PPARA: variants seen among roughly 807,000 people sequenced by gnomAD.
The protein encoded by PPARA is peroxisome proliferator activated receptor alpha, also known as peroxisome proliferator-activated receptor alpha.
In PPARA, 22 loss-of-function variants were observed where a neutral mutation model predicts 42.2. That is an observed-to-expected ratio of 0.52 (90% CI 0.37 to 0.74). The LOEUF (loss-of-function observed/expected upper bound fraction) is 0.74, where lower values mean the gene tolerates loss of function less well. PPARA is among the 30% of genes least tolerant of loss of function. The pLI is 0.00. For missense variants in PPARA, 465 were observed against 608.2 expected (o/e 0.76, Z 2.48); for synonymous variants, 242 against 239.3 (o/e 1.01, Z -0.10).
Position 46,242,640 on chromosome 22 carries a change from CAT to C in PPARA, c.*7263_*7264del, listed in dbSNP as rs1404180747. 1 of 152,436 alleles carries C rather than the reference CAT, an allele frequency of 6.6e-6. No homozygotes were observed. The highest frequency in any genetic ancestry group is 2.4e-5 in the African/African-American group (1 of 41,390). 9.4% of individuals were successfully genotyped at this position (152,436 alleles called of 1,614,324 possible). A position where few individuals can be genotyped will look rare whatever the true frequency, so the allele number is the denominator to read the frequency against. Reference sequence around the variant, plus strand: ...CTTTTGAAATCAGTGTTAATTGACTCATATTCTTAAAAGCCTGGCTCTTGACC... The same window carrying C: ...CTTTTGAAATCAGTGTTAATTGACTCATTCTTAAAAGCCTGGCTCTTGACC... On this transcript the variant is annotated 3_prime_UTR_variant, in exon 9 of 9. Coordinates refer to ENST00000407236, the MANE Select transcript of PPARA (RefSeq NM_005036.6). This position sits in a 1 kb window ranked among gnomAD's most constrained non-coding sequence, Gnocchi z 6.1.
chr22:46,177,232 T>A (rs1316776940), intron 3 of PPARA, among the ~76,000 whole-genome samples: 4 of 150,946 alleles, frequency 2.6e-5, no homozygotes, highest in Admixed American at 2.6e-4. Context: ...TAAAATAAAA[T>A]AAAAATAATC....
chr22:46,210,309 CAAAA>C (rs1189985964), intron 4 of PPARA, among the ~76,000 whole-genome samples: 3 of 85,986 alleles, frequency 3.5e-5, no homozygotes, highest in African/African-American at 3.4e-5. Flanking sequence ...AACTCCATCT[CAAAA>C]AAAAAAAAAA....
At position 46,232,447 on chromosome 22, in the gene PPARA, A is replaced by G. The variant is rs1935941662; in HGVS notation, c.1159+208A>G. On this transcript the variant is annotated intron_variant, in intron 8 of 8. Coordinates refer to ENST00000407236, the MANE Select transcript of PPARA (RefSeq NM_005036.6). The surrounding 1 kb of genome is among the most constrained non-coding windows in gnomAD (Gnocchi z 5.3). ...TAATATTATAGTATATATTGTTATTATCTATAAATACATATTTAATATTAT... is the reference window on the plus strand; with the variant it reads ...TAATATTATAGTATATATTGTTATTGTCTATAAATACATATTTAATATTAT... 6.6e-6 allele frequency among the ~76,000 whole-genome samples: 1 copy of G among 151,880 alleles called. No individual in the cohort carries two copies. Among genetic ancestry groups the G allele is most frequent in the African/African-American group, 2.4e-5 (1 of 41,374 alleles).
chr22:46,227,122 T>A lies in PPARA; in HGVS notation c.712-4670T>A, dbSNP rs373032200. Among the ~76,000 whole-genome samples, 18 of 134,788 alleles carry A rather than the reference T, an allele frequency of 1.3e-4. 1 individual carries two copies. In the South Asian group the frequency reaches 2.4e-3, roughly 18 times the overall value. 88.4% of individuals were successfully genotyped at this position (134,788 alleles called of 152,430 possible). ...CCAATATTATACCTACTACTTAAGT[T>A]TTCTTTAGATTAAAAAATGTGCTTC... On this transcript the variant is annotated intron_variant, in intron 7 of 8. Coordinates refer to ENST00000407236, the MANE Select transcript of PPARA (RefSeq NM_005036.6). This position sits in a 1 kb window ranked among gnomAD's most constrained non-coding sequence, Gnocchi z 4.3.
rs1015826588 is a variant in PPARA at position 46,182,955 on chromosome 22, G to A, written c.-43+6119G>A. Among the ~76,000 whole-genome samples the A allele has an allele frequency of 1.4e-4, 21 of 152,146 alleles. No individual in the cohort carries two copies. The highest frequency in any genetic ancestry group is 1.4e-3 in the Admixed American group (21 of 15,272). On this transcript the variant is annotated intron_variant, in intron 3 of 8. Coordinates refer to ENST00000407236, the MANE Select transcript of PPARA (RefSeq NM_005036.6). This position sits in a 1 kb window ranked among gnomAD's most constrained non-coding sequence, Gnocchi z 5.2. ...AGACAGGGTTTCGCCATGATTGCCA[G>A]GCTGGTCTTGAACTCCTGACCTCAG...
At chr22:46,228,489 T>A (rs1012827892) in intron 7 of PPARA, among the ~76,000 whole-genome samples, 8 of 152,164 alleles carry the variant, frequency 5.3e-5, no homozygotes, top group Non-Finnish European at 1.0e-4. Context: ...TGAGTCGAGA[T>A]CACGCCACTG....
chr22:46,202,298 T>C (rs1348763730), intron 4 of PPARA, among the ~76,000 whole-genome samples: 5 of 152,230 alleles, frequency 3.3e-5, no homozygotes, highest in Admixed American at 2.0e-4. Flanking sequence ...AGAACTATAA[T>C]CTAAAATGTA....
rs770643254 is a variant in PPARA, at chr22:46,221,327, T to G, written c.711+1313T>G. On this transcript the variant is annotated intron_variant, in intron 7 of 8. Transcript: ENST00000407236. The surrounding 1 kb of genome is among the most constrained non-coding windows in gnomAD (Gnocchi z 5.9). The stretch of plus-strand genomic sequence containing the variant: ...TGGGGATTACAGTTCACCATGAGAT[T>G]TGGGTGGGGACACAGAGCCAAACCA... 2.0e-5 allele frequency among the ~76,000 whole-genome samples: 3 copies of G among 152,110 alleles called. No individual in the cohort carries two copies. The highest frequency in any genetic ancestry group is 2.9e-5 in the Non-Finnish European group (2 of 68,014).
At chr22:46,174,132 T>C (rs551441347) in intron 2 of PPARA, among the ~76,000 whole-genome samples, 63 of 149,906 alleles carry the variant, frequency 4.2e-4, no homozygotes, top group African/African-American at 1.5e-3. Context: ...GAGCCGAGAT[T>C]GCACCACTGC....
rs183755930 is a variant in PPARA, at chr22:46,207,179, C to T, written c.209-7994C>T. Among the ~76,000 whole-genome samples the T allele has an allele frequency of 3.4e-3, 516 of 150,930 alleles. 4 individuals carry two copies. The highest frequency in any genetic ancestry group is 0.011 in the African/African-American group (469 of 41,090). On this transcript the variant is annotated intron_variant, in intron 4 of 8. Transcript: ENST00000407236. ...CAGAGGTTGCAGTGAGCCAAGATCA[C>T]GCCACTGCACACCAGCCTGGGTGAC...
At chr22:46,158,144 C>T (rs1294853775) in intron 2 of PPARA, among the ~76,000 whole-genome samples, 1 of 152,094 alleles carries the variant, frequency 6.6e-6, no homozygotes, top group Non-Finnish European at 1.5e-5. Context: ...CGTGGAGGCT[C>T]ACACCTGTAA....
chr22:46,218,500 A>AT, intron 6 of PPARA, 99 bp downstream of exon 6: 1 of 1,559,596 alleles, frequency 6.4e-7, no homozygotes, highest in Non-Finnish European at 8.8e-7. Flanking sequence ...GTGCTTCAAC[A>AT]TTTCACACCC....
At position 46,203,092 on chromosome 22, in the gene PPARA, A is replaced by T. The variant is rs1932927715; in HGVS notation, c.208+4501A>T. 6.6e-6 allele frequency among the ~76,000 whole-genome samples: 1 copy of T among 151,996 alleles called. No homozygotes were observed. Among genetic ancestry groups the T allele is most frequent in the African/African-American group, 2.4e-5 (1 of 41,418 alleles). ...CTTATTTCCCCCTCAGCATTTCCTC[A>T]CTGTTATTCATACATGTGGTCATTT... On this transcript the variant is annotated intron_variant, in intron 4 of 8. Transcript: ENST00000407236. This position sits in a 1 kb window ranked among gnomAD's most constrained non-coding sequence, Gnocchi z 5.8.
At chr22:46,154,355 C>T (rs1340232353) in intron 2 of PPARA, among the ~76,000 whole-genome samples, 1 of 152,172 alleles carries the variant, frequency 6.6e-6, no homozygotes, top group South Asian at 2.1e-4. Context: ...CAGTGGCTCA[C>T]GCCTATGGTT....
In PPARA at chr22:46,204,949, C is replaced by A. The variant is rs886418950; in HGVS notation, c.208+6358C>A. Among the ~76,000 whole-genome samples, 2 of 152,020 alleles carry A rather than the reference C, an allele frequency of 1.3e-5. No individual in the cohort carries two copies. The highest frequency in any genetic ancestry group is 4.8e-5 in the African/African-American group (2 of 41,408). On this transcript the variant is annotated intron_variant, in intron 4 of 8. Transcript: ENST00000407236. This position sits in a 1 kb window ranked among gnomAD's most constrained non-coding sequence, Gnocchi z 5.2. ...GTGGTGCGATCATGGCTTACTGCAG[C>A]CTTGACCTCTTGGGCTCAGGAAACC...
intron 4 of PPARA, among the ~76,000 whole-genome samples, chr22:46,207,687 T>TTA (rs1187653073): frequency 8.3e-6 from 1 of 120,118 alleles, no homozygotes; most frequent in Non-Finnish European, 1.7e-5. Flanking sequence ...ATTTTTTTTT[T>TTA]TTTTTTTTTT....
intron 2 of PPARA, among the ~76,000 whole-genome samples, chr22:46,157,641 G>T (rs1925521047): frequency 6.6e-6 from 1 of 152,188 alleles, no homozygotes; most frequent in Non-Finnish European, 1.5e-5. Flanking sequence ...CTTTCTTTCT[G>T]CAAGATCATG....
Position 46,183,799 on chromosome 22 carries a change from G to A in PPARA, c.-43+6963G>A, listed in dbSNP as rs1295603398. Among the ~76,000 whole-genome samples the A allele has an allele frequency of 2.0e-5, 3 of 152,124 alleles. No homozygotes were observed. Among genetic ancestry groups the A allele is most frequent in the Non-Finnish European group, 2.9e-5 (2 of 68,018 alleles). ...ATTATCAAATGTCTAGATCGTTGAT[G>A]GTTGGAAGTAAAGTTGAGAAATGTT... On this transcript the variant is annotated intron_variant, in intron 3 of 8. Coordinates refer to ENST00000407236, the MANE Select transcript of PPARA (RefSeq NM_005036.6). This position sits in a 1 kb window ranked among gnomAD's most constrained non-coding sequence, Gnocchi z 5.5.
chr22:46,209,071 T>A (rs942774178), intron 4 of PPARA, among the ~76,000 whole-genome samples: 1 of 152,234 alleles, frequency 6.6e-6, no homozygotes, highest in Non-Finnish European at 1.5e-5. Flanking sequence ...TCTTTGGATA[T>A]AAACCCAGAA....
Sources: gnomAD v4.1 joint callset for allele counts (sites outside exome capture counted in the v4.1 genomes callset) on GRCh38, gnomAD v4.1.1 for gene constraint, Gnocchi (gnomAD v3.1) non-coding constraint, MANE v1.5 for transcripts, NCBI Gene and HGNC (gene_info 2026-07-23, HGNC 2026-07-21) for gene names.